The following CTNNAL1 variants were observed in gnomAD, a reference collection of about 807,000 sequenced individuals.
The protein encoded by CTNNAL1 is alpha-catulin.
CTNNAL1 carries 69 observed loss-of-function variants against 93.6 expected under a neutral mutation model. The ratio of observed to expected loss-of-function variants is 0.74; its 90% CI spans 0.61 to 0.90. CTNNAL1 has a LOEUF of 0.90. CTNNAL1 is among the 40% of genes least tolerant of loss of function. The pLI, the probability that CTNNAL1 is intolerant of heterozygous loss-of-function variation, is 0.00. For missense variants in CTNNAL1, 836 were observed against 862.0 expected (o/e 0.97, Z 0.38); for synonymous variants, 286 against 305.4 (o/e 0.94, Z 0.66).
At chr9:108,973,467 C>T (rs545251688) in intron 8 of CTNNAL1, among the ~76,000 whole-genome samples, 5 of 152,172 alleles carry the variant, frequency 3.3e-5, no homozygotes, top group South Asian at 2.1e-4. Flanking sequence ...TAGGACACAA[C>T]CCCTGCCCTC....
At chr9:108,977,767 T>C (rs1281392649) in intron 7 of CTNNAL1, among the ~76,000 whole-genome samples, 1 of 152,234 alleles carries the variant, frequency 6.6e-6, no homozygotes, top group African/African-American at 2.4e-5. Flanking sequence ...TGAAGACTTC[T>C]TGAGCCCCCT....
At position 108,983,161 on chromosome 9, in the gene CTNNAL1, C is replaced by G; in HGVS notation, c.884G>C (p.Gly295Ala). ...TATTCTTACCTTGAATTCCTTAATT[C>G]CAGTAAAAATACTGATAGATGAAAT... Reference protein sequence around the residue: ...TDISSISIFTGIKEFKMNIEA... With the variant: ...TDISSISIFTAIKEFKMNIEA... The change falls in exon 6 of 19, where the codon GGA becomes GCA. Residue 295 changes from glycine (G) to alanine (A), a missense_variant. Coordinates refer to ENST00000325551, the MANE Select transcript of CTNNAL1 (RefSeq NM_003798.4). 1 of 1,532,152 alleles carries G rather than the reference C, an allele frequency of 6.5e-7. No individual in the cohort carries two copies. Among genetic ancestry groups the G allele is most frequent in the Middle Eastern group, 1.7e-4 (1 of 5,760 alleles). The allele number at this position is 1,532,152 out of a possible 1,614,324, so 94.9% of individuals were successfully genotyped here.
intron 8 of CTNNAL1, among the ~76,000 whole-genome samples, chr9:108,975,078 G>A (rs1238060679): frequency 3.3e-5 from 5 of 152,170 alleles, no homozygotes; most frequent in South Asian, 4.1e-4. Context: ...CATGAGAATC[G>A]CTTGAACCCC....
At chr9:108,968,475 A>G (rs750729022) in intron 10 of CTNNAL1, among the ~76,000 whole-genome samples, 18 of 152,234 alleles carry the variant, frequency 1.2e-4, no homozygotes, top group Non-Finnish European at 2.6e-4. Flanking sequence ...GGGCCTGAGG[A>G]TAGGAGCAAC....
rs1329573263 is a variant in CTNNAL1, at chr9:108,985,954, C to T, written c.640-1518G>A. 2.6e-5 allele frequency among the ~76,000 whole-genome samples: 4 copies of T among 152,004 alleles called. No individual in the cohort carries two copies. In the East Asian group the frequency reaches 5.8e-4, roughly 22 times the overall value. On this transcript the variant is annotated intron_variant, in intron 4 of 18. Transcript: ENST00000325551. ...CCCAGATGGTCCATGAAGCACTAAG[C>T]GAAGCATCCCAATACCTCCAGAAGT...
chr9:108,992,119 AG>A (rs1182346945), intron 3 of CTNNAL1: 2 of 745,640 alleles, frequency 2.7e-6, no homozygotes, highest in East Asian at 4.9e-5. Context: ...TTTATCAACT[AG>A]GTTTCTGCTA....
intron 14 of CTNNAL1, among the ~76,000 whole-genome samples, chr9:108,949,664 TG>T (rs1830501656): frequency 6.6e-6 from 1 of 152,026 alleles, no homozygotes; most frequent in African/African-American, 2.4e-5. Flanking sequence ...GCCAAAATGG[TG>T]AAATCCCATC....
chr9:108,995,666 CAT>C (rs1170552178), intron 2 of CTNNAL1, among the ~76,000 whole-genome samples: 1 of 152,048 alleles, frequency 6.6e-6, no homozygotes, highest in African/African-American at 2.4e-5. Context: ...CCATATAAAA[CAT>C]AAATATAAAC....
At chr9:108,975,234 A>T (rs1385691835) in intron 8 of CTNNAL1, among the ~76,000 whole-genome samples, 1 of 149,676 alleles carries the variant, frequency 6.7e-6, no homozygotes, top group Non-Finnish European at 1.5e-5. Flanking sequence ...CTGTGTGAGG[A>T]GGGTCTGTCT....
intron 4 of CTNNAL1, among the ~76,000 whole-genome samples, chr9:108,989,665 C>T (rs1167380597): frequency 6.6e-6 from 1 of 152,156 alleles, no homozygotes; most frequent in African/African-American, 2.4e-5. Flanking sequence ...ACAAATACCC[C>T]AACAAGGAAA....
At chr9:108,964,468 G>A (rs1171663335) in intron 11 of CTNNAL1, among the ~76,000 whole-genome samples, 2 of 152,044 alleles carry the variant, frequency 1.3e-5, no homozygotes, top group Admixed American at 6.5e-5. Context: ...AGGACACACA[G>A]TACAATGGAA....
chr9:108,998,573 G>GA (rs1832109646), intron 2 of CTNNAL1, among the ~76,000 whole-genome samples: 1 of 152,022 alleles, frequency 6.6e-6, no homozygotes, highest in African/African-American at 2.4e-5. Context: ...AATATTTATT[G>GA]AAAAAATTAA....
intron 10 of CTNNAL1, among the ~76,000 whole-genome samples, chr9:108,969,309 T>G (rs1350463285): frequency 6.6e-6 from 1 of 152,038 alleles, no homozygotes; most frequent in Non-Finnish European, 1.5e-5. Flanking sequence ...TTAACCATTT[T>G]CCTTAGATTA....
chr9:108,987,162 G>T (rs1407548746), intron 4 of CTNNAL1, among the ~76,000 whole-genome samples: 1 of 152,086 alleles, frequency 6.6e-6, no homozygotes, highest in Non-Finnish European at 1.5e-5. Flanking sequence ...ATGGTTTTAG[G>T]TCTAACGTTT....
At chr9:108,969,248 C>A (rs914209006) in intron 10 of CTNNAL1, among the ~76,000 whole-genome samples, 2 of 149,668 alleles carry the variant, frequency 1.3e-5, no homozygotes, top group East Asian at 3.9e-4. Flanking sequence ...CCAGCCTGGG[C>A]GACAGAGCTA....
chr9:109,009,187 C>A (rs1564155328), intron 1 of CTNNAL1, among the ~76,000 whole-genome samples: 1 of 152,010 alleles, frequency 6.6e-6, no homozygotes, highest in African/African-American at 2.4e-5. Flanking sequence ...TGAGCCACTG[C>A]GCCTGGCCTA....
At chr9:108,952,830 C>T (rs2132095604) in intron 12 of CTNNAL1, among the ~76,000 whole-genome samples, 3 of 152,230 alleles carry the variant, frequency 2.0e-5, no homozygotes, top group Middle Eastern at 6.8e-3. Context: ...TTATTATGTC[C>T]CCCAAACCTC....
At chr9:108,944,537 A>G (rs904086670) in intron 15 of CTNNAL1, among the ~76,000 whole-genome samples, 5 of 152,178 alleles carry the variant, frequency 3.3e-5, no homozygotes, top group Admixed American at 6.5e-5. Context: ...TTCACTATTC[A>G]CCATGTACCA....
intron 5 of CTNNAL1, 135 bp downstream of exon 5, chr9:108,984,212 A>T: frequency 3.5e-6 from 2 of 567,134 alleles, no homozygotes; most frequent in Non-Finnish European, 6.2e-6. Flanking sequence ...ATAATAACTG[A>T]GATTTAACTA....
Sources: allele counts gnomAD v4.1 joint callset (sites outside exome capture counted in the v4.1 genomes callset), GRCh38; gene constraint gnomAD v4.1.1; transcripts MANE v1.5; gene names NCBI Gene and HGNC (gene_info 2026-07-23, HGNC 2026-07-21).